TMEM255A: variants seen among roughly 807,000 people sequenced by gnomAD.
TMEM255A encodes family with sequence similarity 70, member A.
In TMEM255A, 14 loss-of-function variants were observed where a neutral mutation model predicts 23.5. The observed-to-expected ratio is 0.60, with a 90% CI of 0.39 to 0.93. The LOEUF (loss-of-function observed/expected upper bound fraction) is 0.93, where lower values mean the gene tolerates loss of function less well. Among genes scored for constraint, TMEM255A ranks in the 40% least tolerant of loss-of-function variants. The pLI is 0.00. For missense variants in TMEM255A, 233 were observed against 261.7 expected (o/e 0.89, Z 0.76); for synonymous variants, 104 against 100.3 (o/e 1.04, Z -0.22).
At chrX:120,308,903 C>T (rs962837278) in intron 1 of TMEM255A, among the ~76,000 whole-genome samples, 6 of 113,003 alleles carry the variant, frequency 5.3e-5, no homozygotes, top group African/African-American at 1.3e-4. Context: ...CACCTTGGTG[C>T]AGTGTGTCTG....
chrX:120,263,998 G>A (rs34100924), intron 8 of TMEM255A, among the ~76,000 whole-genome samples: 1,797 of 111,455 alleles, frequency 0.016, 45 homozygotes, highest in African/African-American at 0.056. Context: ...TAAATAAAGA[G>A]GAAAAATAGA....
chrX:120,276,768 G>T, intron 7 of TMEM255A, 117 bp downstream of exon 7: 1 of 755,161 alleles, frequency 1.3e-6, no homozygotes, highest in Non-Finnish European at 1.9e-6. Flanking sequence ...CATCCTTGAA[G>T]CAATTGCTTC....
intron 4 of TMEM255A, among the ~76,000 whole-genome samples, chrX:120,290,238 G>A (rs1259457638): frequency 8.9e-6 from 1 of 111,756 alleles, no homozygotes; most frequent in Non-Finnish European, 1.9e-5. Context: ...AGGGGAAGAG[G>A]GGAAAAAAGG....
At chrX:120,270,167 C>G (rs1234850062) in intron 7 of TMEM255A, among the ~76,000 whole-genome samples, 1 of 111,041 alleles carries the variant, frequency 9.0e-6, no homozygotes, top group African/African-American at 3.3e-5. Context: ...GGAGTGAAGA[C>G]TTAGTCAGGG....
the TMEM255A span, among the ~76,000 whole-genome samples, chrX:120,253,219 A>C: frequency 8.9e-6 from 1 of 112,373 alleles, no homozygotes; most frequent in African/African-American, 3.2e-5. Context: ...TCAACTCAGG[A>C]GCAAGCCATG....
At chrX:120,263,098 C>T (rs2057690877) in intron 8 of TMEM255A, among the ~76,000 whole-genome samples, 1 of 111,474 alleles carries the variant, frequency 9.0e-6, no homozygotes, top group African/African-American at 3.3e-5. Context: ...AGCTAGGGAG[C>T]TAACTGGCTG....
chrX:120,269,129 C>CTT (rs34038524), intron 7 of TMEM255A, among the ~76,000 whole-genome samples: 1 of 102,199 alleles, frequency 9.8e-6, no homozygotes, highest in African/African-American at 3.5e-5. Flanking sequence ...ATCCCCCCAC[C>CTT]TTTTTTTTTT....
intron 7 of TMEM255A, among the ~76,000 whole-genome samples, chrX:120,269,738 G>A (rs1326913112): frequency 9.0e-6 from 1 of 111,566 alleles, no homozygotes; most frequent in Non-Finnish European, 1.9e-5. Flanking sequence ...CATTCCAAGG[G>A]CTGGCTTGCT....
At position 120,284,740 on chromosome X, in the gene TMEM255A, C is replaced by T. The variant is rs1284388018; in HGVS notation, c.512+387G>A. 2.2e-4 allele frequency among the ~76,000 whole-genome samples: 24 copies of T among 111,140 alleles called. 1 individual carries two copies. On this transcript the variant is annotated intron_variant, in intron 6 of 8. Coordinates refer to ENST00000371369, the MANE Select transcript of TMEM255A (RefSeq NM_001104544.3). ...TCAGTGTCTAGAACAGAGCCAGGCA[C>T]CGAGAAGGTACTCAGTAACTATTTA...
chrX:120,263,212 C>A (rs2057692017), intron 8 of TMEM255A, among the ~76,000 whole-genome samples: 1 of 112,033 alleles, frequency 8.9e-6, no homozygotes, highest in Admixed American at 9.4e-5. Context: ...GGCTTTGTCG[C>A]AGCCAGGGAG....
rs2057980019 is a variant in TMEM255A at position 120,296,884 on chromosome X, T to TATTATA, written c.202-2834_202-2833insTATAAT. ...TATAATATATTATATATCATATATA[T>TATTATA]TATATATGATATATATAATATTATA... On this transcript the variant is annotated intron_variant, in intron 2 of 8. Transcript: ENST00000371369. Among the ~76,000 whole-genome samples the TATTATA allele has an allele frequency of 6.8e-3, 12 of 1,767 alleles. 1 individual carries two copies. Among genetic ancestry groups the TATTATA allele is most frequent in the Non-Finnish European group, 8.3e-3 (10 of 1,204 alleles). The allele number at this position is 1,767 out of a possible 115,157, so 1.5% of individuals were successfully genotyped here. A position where few individuals can be genotyped will look rare whatever the true frequency, so the allele number is the denominator to read the frequency against.
At chrX:120,255,203 A>G, downstream of TMEM255A, 1 of 1,211,647 alleles carries the variant, frequency 8.3e-7, no homozygotes, top group South Asian at 1.8e-5. Flanking sequence ...AAATCAGACA[A>G]TATGCATATC....
chrX:120,261,304 C>T (rs1248525510), intron 8 of TMEM255A, among the ~76,000 whole-genome samples: 1 of 111,955 alleles, frequency 8.9e-6, no homozygotes, highest in Non-Finnish European at 1.9e-5. Context: ...TCTGTGTTGT[C>T]TCTTGAATCC....
chrX:120,269,834 C>T (rs975718170), intron 7 of TMEM255A, among the ~76,000 whole-genome samples: 2 of 111,935 alleles, frequency 1.8e-5, no homozygotes, highest in Non-Finnish European at 3.8e-5. Context: ...AAATCATGTT[C>T]CCTTGGCATA....
At chrX:120,298,968 C>G (rs782044214) in intron 2 of TMEM255A, among the ~76,000 whole-genome samples, 2 of 110,731 alleles carry the variant, frequency 1.8e-5, no homozygotes, top group African/African-American at 6.6e-5. Context: ...CAGAAAAGCC[C>G]AAGTCGTGTT....
chrX:120,300,898 T>C (rs1239342957), intron 2 of TMEM255A, among the ~76,000 whole-genome samples: 4 of 108,722 alleles, frequency 3.7e-5, no homozygotes, highest in African/African-American at 1.3e-4. Flanking sequence ...ATATATATAC[T>C]TTTTGTAGAG....
chrX:120,289,289 A>C (rs782509453), intron 4 of TMEM255A, among the ~76,000 whole-genome samples: 3 of 112,069 alleles, frequency 2.7e-5, no homozygotes, highest in African/African-American at 9.7e-5. Flanking sequence ...CTTGAGTCAA[A>C]TGCTGTACTG....
chrX:120,296,438 C>CTATTCT (rs2057956551), intron 2 of TMEM255A, among the ~76,000 whole-genome samples: 1 of 23,511 alleles, frequency 4.3e-5, no homozygotes. Flanking sequence ...TATTCTATTC[C>CTATTCT]ACTCCAATGC....
intron 7 of TMEM255A, among the ~76,000 whole-genome samples, chrX:120,270,354 C>T (rs919234831): frequency 9.2e-6 from 1 of 108,852 alleles, no homozygotes; most frequent in Admixed American, 9.9e-5. Flanking sequence ...CGTTGTGAGA[C>T]GCCCGCCCTG....
Sources: allele counts gnomAD v4.1 joint callset (sites outside exome capture counted in the v4.1 genomes callset), GRCh38; gene constraint gnomAD v4.1.1; transcripts MANE v1.5; gene names NCBI Gene and HGNC (gene_info 2026-07-23, HGNC 2026-07-21).